Variants in CAMK2D observed in about 807,000 individuals in gnomAD.
CAMK2D encodes the protein calcium/calmodulin-dependent protein kinase type II subunit delta.
A neutral mutation model predicts 84.0 loss-of-function variants in CAMK2D; 37 were observed. The ratio of observed to expected loss-of-function variants is 0.44; its 90% CI spans 0.34 to 0.58. The LOEUF is 0.58. CAMK2D is among the 20% of genes least tolerant of loss of function. The pLI is 0.02. For synonymous variants in CAMK2D, 202 were observed against 212.5 expected, an observed-to-expected ratio of 0.95 and a Z score of 0.43; for missense variants, 448 against 652.5, an observed-to-expected ratio of 0.69 and a Z score of 3.41.
chr4:113,699,576 T>C (rs945535775), intron 2 of CAMK2D, among the ~76,000 whole-genome samples: 2 of 152,206 alleles, frequency 1.3e-5, no homozygotes, highest in African/African-American at 4.8e-5. Flanking sequence ...TCTATAAACA[T>C]TTTCTGCCCA....
chr4:113,558,029 C>A (rs1216571244), intron 4 of CAMK2D, among the ~76,000 whole-genome samples: 2 of 152,122 alleles, frequency 1.3e-5, no homozygotes, highest in African/African-American at 4.8e-5. Flanking sequence ...TGGGCCCAGA[C>A]CCAAAGATGC....
intron 3 of CAMK2D, among the ~76,000 whole-genome samples, chr4:113,642,186 C>G (rs1351841458): frequency 6.6e-6 from 1 of 152,112 alleles, no homozygotes; most frequent in African/African-American, 2.4e-5. Flanking sequence ...CAGAACCACC[C>G]TCTAAAAGTC....
intron 2 of CAMK2D, among the ~76,000 whole-genome samples, chr4:113,752,211 G>T (rs960688802): frequency 5.3e-5 from 8 of 151,092 alleles, no homozygotes; most frequent in African/African-American, 1.9e-4. Flanking sequence ...GGTGCTTATT[G>T]TTATAAAATT....
intron 2 of CAMK2D, among the ~76,000 whole-genome samples, chr4:113,693,701 G>A (rs926124082): frequency 4.0e-5 from 6 of 151,892 alleles, no homozygotes; most frequent in African/African-American, 1.5e-4. Flanking sequence ...TGAAATCTGA[G>A]GACAGATATG....
chr4:113,599,173 A>T (rs928351301), intron 4 of CAMK2D, among the ~76,000 whole-genome samples: 4 of 152,218 alleles, frequency 2.6e-5, no homozygotes, highest in African/African-American at 9.6e-5. Flanking sequence ...TGCTGGTGAG[A>T]ATTCTTACAA....
intron 3 of CAMK2D, among the ~76,000 whole-genome samples, chr4:113,651,778 G>GA (rs1371512408): frequency 6.6e-6 from 1 of 152,064 alleles, no homozygotes; most frequent in Non-Finnish European, 1.5e-5. Context: ...CAGTAAGAGA[G>GA]AAAAGTAAAA....
chr4:113,470,067 C>T (rs929603128), intron 16 of CAMK2D, among the ~76,000 whole-genome samples: 2 of 152,010 alleles, frequency 1.3e-5, no homozygotes, highest in Non-Finnish European at 1.5e-5. Flanking sequence ...TCTATTTGAA[C>T]TCTTCTAAAA....
chr4:113,724,281 T>A (rs1004480751), intron 2 of CAMK2D, among the ~76,000 whole-genome samples: 4 of 152,062 alleles, frequency 2.6e-5, no homozygotes, highest in Admixed American at 6.5e-5. Context: ...AAAATTATAC[T>A]TTTTTTCTTT....
At chr4:113,624,025 C>G (rs748254922) in intron 3 of CAMK2D, among the ~76,000 whole-genome samples, 8 of 152,050 alleles carry the variant, frequency 5.3e-5, no homozygotes, top group Non-Finnish European at 1.0e-4. Context: ...GGAATGCTGC[C>G]TACTCCAGTC....
chr4:113,505,792 A>G (rs1301537087), intron 13 of CAMK2D, among the ~76,000 whole-genome samples: 2 of 152,186 alleles, frequency 1.3e-5, no homozygotes, highest in East Asian at 3.8e-4. Context: ...TATCATTACC[A>G]CTGTGGAAGC....
chr4:113,669,811 A>G (rs1416989097), intron 2 of CAMK2D, among the ~76,000 whole-genome samples: 1 of 152,210 alleles, frequency 6.6e-6, no homozygotes, highest in Non-Finnish European at 1.5e-5. Context: ...TGGTATGCAG[A>G]ATGGCCAGAT....
intron 8 of CAMK2D, among the ~76,000 whole-genome samples, chr4:113,528,252 A>C (rs1248066881): frequency 6.6e-6 from 1 of 152,202 alleles, no homozygotes; most frequent in Non-Finnish European, 1.5e-5. Flanking sequence ...AATGATAACT[A>C]TCACTTACTG....
intron 8 of CAMK2D, among the ~76,000 whole-genome samples, chr4:113,518,501 C>T (rs1288220270): frequency 3.9e-5 from 6 of 152,122 alleles, no homozygotes; most frequent in African/African-American, 1.4e-4. Context: ...ATACAGTGGT[C>T]TTCTCTGTCA....
chr4:113,455,642 A>T, intron 20 of CAMK2D, 84 bp downstream of exon 20: 1 of 742,148 alleles, frequency 1.3e-6, no homozygotes, highest in Non-Finnish European at 2.3e-6. Flanking sequence ...GCAATAAAAA[A>T]TATCCTCAAA....
chr4:113,508,197 A>G (rs1194244520), intron 13 of CAMK2D: 2 of 1,466,498 alleles, frequency 1.4e-6, no homozygotes, highest in African/African-American at 1.4e-5. Context: ...CTAAGTGTGA[A>G]TTTTCACAGG....
rs768824734 is a variant in CAMK2D, at chr4:113,465,550, T to C, written c.1190A>G (p.Asn397Ser). 6 of 1,612,446 alleles carry C rather than the reference T, an allele frequency of 3.7e-6. No individual in the cohort carries two copies. In the East Asian group the frequency reaches 6.7e-5, roughly 18 times the overall value. ...VTEQLIEAIN[N>S]GDFEAYTKIC... ...TCACGTGTAGGCTTCAAAGTCCCCA[T>C]TGTTGATAGCTTCGATCAGTTGTTC... The change falls in exon 17 of 21, where the codon AAT becomes AGT. Residue 397 changes from asparagine (N) to serine (S), a missense_variant. Physicochemically the swap from Asn to Ser is conservative, Grantham distance 46. Transcript: ENST00000511664.
intron 4 of CAMK2D, among the ~76,000 whole-genome samples, chr4:113,605,720 A>G (rs2154263968): frequency 6.6e-6 from 1 of 152,286 alleles, no homozygotes. Flanking sequence ...CCTGCGTTCC[A>G]ATAACCTCAC....
chr4:113,691,748 C>T (rs2099387843), intron 2 of CAMK2D, among the ~76,000 whole-genome samples: 1 of 151,286 alleles, frequency 6.6e-6, no homozygotes, highest in South Asian at 2.1e-4. Context: ...GAGACTCCAT[C>T]TCAAAAAATA....
chr4:113,662,707 T>C (rs182500682), intron 2 of CAMK2D, among the ~76,000 whole-genome samples: 33 of 152,328 alleles, frequency 2.2e-4, no homozygotes, highest in Non-Finnish European at 3.5e-4. Context: ...CATCCACTAT[T>C]TCTTTTGCAT....
Sources: gnomAD v4.1 joint callset for allele counts (sites outside exome capture counted in the v4.1 genomes callset) on GRCh38, gnomAD v4.1.1 for gene constraint, MANE v1.5 for transcripts, NCBI Gene and HGNC (gene_info 2026-07-23, HGNC 2026-07-21) for gene names.